The following SLC8A3 variants were observed in gnomAD, a reference collection of about 807,000 sequenced individuals.
SLC8A3 encodes sodium/calcium exchanger 3.
In SLC8A3, 37 loss-of-function variants were observed where a neutral mutation model predicts 65.4. The observed-to-expected ratio is 0.57, with a 90% CI of 0.44 to 0.74. The LOEUF is 0.74. Among genes scored for constraint, SLC8A3 ranks in the 30% least tolerant of loss-of-function variants. The probability of loss-of-function intolerance (pLI) is 0.00; values close to 1 mark genes in which losing one functional copy is unlikely to be tolerated. For synonymous variants in SLC8A3, 461 were observed against 444.5 expected (o/e 1.04, Z -0.47); for missense variants, 1,112 against 1,172.1 (o/e 0.95, Z 0.75).
At chr14:70,110,132 A>G (rs1385965839) in intron 2 of SLC8A3, among the ~76,000 whole-genome samples, 2 of 152,168 alleles carry the variant, frequency 1.3e-5, no homozygotes, top group Non-Finnish European at 2.9e-5. Flanking sequence ...GCAATGTGAA[A>G]TAAGCACATC....
intron 2 of SLC8A3, among the ~76,000 whole-genome samples, chr14:70,153,094 G>A (rs960765692): frequency 1.3e-5 from 2 of 152,120 alleles, no homozygotes; most frequent in African/African-American, 4.8e-5. Flanking sequence ...GAGGAGGAAG[G>A]GCTGAAGAAT....
At chr14:70,142,800 G>A (rs562220021) in intron 2 of SLC8A3, among the ~76,000 whole-genome samples, 7 of 152,248 alleles carry the variant, frequency 4.6e-5, no homozygotes, top group Admixed American at 2.0e-4. Flanking sequence ...TAGAGGGCAA[G>A]GTTCTGTCGT....
At position 70,090,744 on chromosome 14, in the gene SLC8A3, G is replaced by A. The variant is rs1033327458; in HGVS notation, c.1785-29805C>T. ...GTATAGCTGGAAGCAGATCTGCCAT[G>A]AAATGTGAAACCGCATCCCACTTGT... is the stretch of plus-strand genomic sequence containing the variant. On this transcript the variant is annotated intron_variant, in intron 2 of 6. Coordinates refer to ENST00000356921, the MANE Select transcript of SLC8A3 (RefSeq NM_182932.3). Among the ~76,000 whole-genome samples the A allele has an allele frequency of 3.3e-5, 5 of 152,290 alleles. No homozygotes were observed. The East Asian group carries it at 7.7e-4, about 24-fold the overall frequency.
intron 2 of SLC8A3, 66 bp from the exon 3 acceptor site, chr14:70,061,005 C>T (rs1430320094): frequency 4.2e-6 from 3 of 722,756 alleles, no homozygotes; most frequent in Non-Finnish European, 4.8e-6. Context: ...ACCTGGAGCA[C>T]AGCCTTTAAA....
intron 1 of SLC8A3, among the ~76,000 whole-genome samples, chr14:70,183,113 C>T (rs1042543228): frequency 6.6e-6 from 1 of 152,212 alleles, no homozygotes; most frequent in Non-Finnish European, 1.5e-5. Context: ...GGCAGGAGCA[C>T]AGCTTTTGGT....
chr14:70,052,227 G>T, intron 3 of SLC8A3, 113 bp from the exon 4 acceptor site: 2 of 1,322,320 alleles, frequency 1.5e-6, no homozygotes, highest in Non-Finnish European at 2.0e-6. Context: ...TCTTGGGAAT[G>T]GGGAGTTTAT....
At chr14:70,180,328 A>G (rs1882638102) in intron 1 of SLC8A3, among the ~76,000 whole-genome samples, 1 of 152,240 alleles carries the variant, frequency 6.6e-6, no homozygotes, top group East Asian at 1.9e-4. Flanking sequence ...AAGAACAAAT[A>G]AAACCTGGCG....
At chr14:70,152,803 C>T (rs1207986146) in intron 2 of SLC8A3, among the ~76,000 whole-genome samples, 1 of 152,182 alleles carries the variant, frequency 6.6e-6, no homozygotes, top group Non-Finnish European at 1.5e-5. Context: ...TAGTTTCCTC[C>T]CAGGGAAAGG....
intron 2 of SLC8A3, among the ~76,000 whole-genome samples, chr14:70,113,313 T>C (rs116081727): frequency 6.6e-6 from 1 of 152,304 alleles, no homozygotes; most frequent in African/African-American, 2.4e-5. Flanking sequence ...CTGGAAACTG[T>C]AGGCAATTGG....
intron 2 of SLC8A3, among the ~76,000 whole-genome samples, chr14:70,075,321 G>T (rs1196033094): frequency 6.6e-6 from 1 of 152,064 alleles, no homozygotes; most frequent in Non-Finnish European, 1.5e-5. Flanking sequence ...CTCACCAGAG[G>T]AACTATCTGC....
chr14:70,071,701 C>T (rs1388641394), intron 2 of SLC8A3, among the ~76,000 whole-genome samples: 1 of 152,196 alleles, frequency 6.6e-6, no homozygotes, highest in East Asian at 1.9e-4. Context: ...GTCAAGCCTG[C>T]CTGGACTTCT....
rs751280437 is a variant in SLC8A3 at position 70,060,848 on chromosome 14, G to A, written c.1876C>T (p.Arg626Cys). The change falls in exon 3 of 7, where the codon CGT becomes TGT. Residue 626 changes from arginine (R) to cysteine (C), a missense_variant. Physicochemically the swap from Arg to Cys is radical, Grantham distance 180. Transcript: ENST00000356921. ...IALGEPKWME[R>C]GISDVTDRKL... ...AAGAATCTCACACCTGATATTCCAC[G>A]TTCCATCCATTTCGGTTCACCAAGG... is the stretch of plus-strand genomic sequence containing the variant. 6.8e-6 allele frequency: 10 copies of A among 1,478,902 alleles called. No homozygotes were observed. Among genetic ancestry groups the A allele is most frequent in the East Asian group, 2.3e-5 (1 of 44,296 alleles). 91.6% of individuals were successfully genotyped at this position (1,478,902 alleles called of 1,614,324 possible).
rs78377340 is a variant in SLC8A3, at chr14:70,184,581, T to C, written c.-63+3798A>G. Among the ~76,000 whole-genome samples the C allele has an allele frequency of 2.0e-4, 30 of 152,348 alleles. No individual in the cohort carries two copies. The East Asian group carries it at 5.4e-3, about 27-fold the overall frequency. On this transcript the variant is annotated intron_variant, in intron 1 of 6. Coordinates refer to ENST00000356921, the MANE Select transcript of SLC8A3 (RefSeq NM_182932.3). ...CTAACTCCTACCTATCCTCCCTTTCTGGGCTTAGCTGTCCCTACAAGTCCT... is the reference window on the plus strand; with the variant it reads ...CTAACTCCTACCTATCCTCCCTTTCCGGGCTTAGCTGTCCCTACAAGTCCT...
At chr14:70,175,375 C>G (rs984428445) in intron 1 of SLC8A3, among the ~76,000 whole-genome samples, 3 of 152,164 alleles carry the variant, frequency 2.0e-5, no homozygotes, top group African/African-American at 7.2e-5. Context: ...TACCCAAGGT[C>G]TACCAGCTGA....
intron 3 of SLC8A3, among the ~76,000 whole-genome samples, chr14:70,057,903 A>G (rs928904008): frequency 6.6e-6 from 1 of 152,118 alleles, no homozygotes; most frequent in African/African-American, 2.4e-5. Context: ...AGAGAGAGAG[A>G]CAGAGAGCTT....
intron 2 of SLC8A3, among the ~76,000 whole-genome samples, chr14:70,141,960 C>G (rs1895606001): frequency 6.6e-6 from 1 of 152,132 alleles, no homozygotes; most frequent in Non-Finnish European, 1.5e-5. Flanking sequence ...GTAGGTCCAC[C>G]CCAGTGACTC....
At chr14:70,128,863 G>T (rs755146850) in intron 2 of SLC8A3, among the ~76,000 whole-genome samples, 3 of 152,130 alleles carry the variant, frequency 2.0e-5, no homozygotes, top group Non-Finnish European at 4.4e-5. Flanking sequence ...AAAAGCTCAC[G>T]CAAAACGCAC....
chr14:70,090,364 G>A (rs955181523), intron 2 of SLC8A3, among the ~76,000 whole-genome samples: 5 of 152,020 alleles, frequency 3.3e-5, no homozygotes, highest in African/African-American at 4.8e-5. Context: ...CGTCATATGC[G>A]CATGTCCTCC....
chr14:70,051,013 C>T lies in SLC8A3; in HGVS notation c.2108G>A (p.Ser703Asn), dbSNP rs143210756. 6.2e-5 allele frequency: 100 copies of T among 1,607,024 alleles called. No homozygotes were observed. Among genetic ancestry groups the T allele is most frequent in the South Asian group, 4.9e-4 (45 of 90,976 alleles). Residue 703 changes from serine to asparagine, a missense_variant, in exon 5 of 7, where the codon AGT becomes AAT. Ser to Asn is a conservative substitution (Grantham distance 46). Transcript: ENST00000356921. The part of the protein sequence containing the change: ...RDQFMEAITV[S>N]AAGDEDEDES... The stretch of plus-strand genomic sequence containing the variant: ...CAGCCTGAGACACTTCTCACCTGCA[C>T]TGACGGTGATGGCCTCCATGAACTG...
Sources: gnomAD v4.1 joint callset for allele counts (sites outside exome capture counted in the v4.1 genomes callset) on GRCh38, gnomAD v4.1.1 for gene constraint, MANE v1.5 for transcripts, NCBI Gene and HGNC (gene_info 2026-07-23, HGNC 2026-07-21) for gene names.